Variants in HEPHL1 observed in about 807,000 individuals in gnomAD.
HEPHL1 encodes hephaestin like 1.
HEPHL1 carries 123 observed loss-of-function variants against 122.0 expected under a neutral mutation model. That is an observed-to-expected ratio of 1.01 (90% CI 0.87 to 1.17). The LOEUF (loss-of-function observed/expected upper bound fraction) is 1.17, where lower values mean the gene tolerates loss of function less well. Ranked by LOEUF, HEPHL1 falls within the 50% of genes most tolerant of loss-of-function variation. The pLI, the probability that HEPHL1 is intolerant of heterozygous loss-of-function variation, is 0.00. For synonymous variants in HEPHL1, 527 were observed against 508.9 expected, an observed-to-expected ratio of 1.04 and a Z score of -0.48; for missense variants, 1,452 against 1,430.5, an observed-to-expected ratio of 1.01 and a Z score of -0.24.
At chr11:94,031,837 T>A (rs1388653976) in intron 1 of HEPHL1, among the ~76,000 whole-genome samples, 1 of 152,232 alleles carries the variant, frequency 6.6e-6, no homozygotes, top group Admixed American at 6.5e-5. Context: ...TCAGATGCTC[T>A]GGGCAGATAA....
At chr11:94,043,553 G>A (rs183605525) in intron 1 of HEPHL1, among the ~76,000 whole-genome samples, 6 of 152,156 alleles carry the variant, frequency 3.9e-5, no homozygotes, top group African/African-American at 1.4e-4. Flanking sequence ...CTCCATTAGT[G>A]GGGCTGGGGG....
At chr11:94,060,606 A>G (rs1001226471) in intron 2 of HEPHL1, among the ~76,000 whole-genome samples, 5 of 152,144 alleles carry the variant, frequency 3.3e-5, no homozygotes, top group African/African-American at 1.2e-4. Flanking sequence ...CTAACAAGTG[A>G]TGGAGGTAAG....
At chr11:94,065,265 G>T (rs952405488) in intron 4 of HEPHL1, among the ~76,000 whole-genome samples, 1 of 152,108 alleles carries the variant, frequency 6.6e-6, no homozygotes, top group Non-Finnish European at 1.5e-5. Context: ...TCTCAGAATT[G>T]TTCTAACCAA....
chr11:94,099,595 T>C (rs1445359322), intron 13 of HEPHL1, among the ~76,000 whole-genome samples: 1 of 152,236 alleles, frequency 6.6e-6, no homozygotes, highest in Non-Finnish European at 1.5e-5. Context: ...TGTTCGGCTA[T>C]GCCTTGCCCC....
chr11:94,066,627 A>G, intron 4 of HEPHL1, among the ~76,000 whole-genome samples: 1 of 152,336 alleles, frequency 6.6e-6, no homozygotes, highest in East Asian at 1.9e-4. Context: ...AATTAAAAAA[A>G]TCTAGACTAT....
intron 3 of HEPHL1, among the ~76,000 whole-genome samples, chr11:94,063,983 A>T (rs909296980): frequency 1.1e-4 from 17 of 152,356 alleles, no homozygotes; most frequent in African/African-American, 4.1e-4. Context: ...TGAGAAATTT[A>T]GTCAAATGAC....
intron 8 of HEPHL1, among the ~76,000 whole-genome samples, chr11:94,074,730 G>A (rs1015578174): frequency 3.3e-5 from 5 of 152,106 alleles, no homozygotes; most frequent in South Asian, 2.1e-4. Context: ...CCTCTATCTT[G>A]TAGTTATTTG....
chr11:94,097,624 GTC>G, intron 13 of HEPHL1, among the ~76,000 whole-genome samples: 1 of 152,108 alleles, frequency 6.6e-6, no homozygotes, highest in Non-Finnish European at 1.5e-5. Context: ...GGGTGTTAAA[GTC>G]TCCCATTATT....
At position 94,094,010 on chromosome 11, in the gene HEPHL1, AT is replaced by A. The variant is rs1565360556; in HGVS notation, c.2434+371del. ...TATATATATATATATATATATATAT[AT>A]ATAAAACTTTAAGTTCTAGGGTACA... On this transcript the variant is annotated intron_variant, in intron 13 of 19. Transcript: ENST00000315765. 5.1e-3 allele frequency among the ~76,000 whole-genome samples: 634 copies of A among 123,480 alleles called. 13 individuals are homozygous for A. Among genetic ancestry groups the A allele is most frequent in the South Asian group, 0.022 (82 of 3,704 alleles). The allele number at this position is 123,480 out of a possible 152,430, so 81.0% of individuals were successfully genotyped here.
intron 1 of HEPHL1, among the ~76,000 whole-genome samples, chr11:94,029,436 G>T (rs1361981751): frequency 6.6e-6 from 1 of 152,170 alleles, no homozygotes; most frequent in Admixed American, 6.5e-5. Context: ...CAGAATCACT[G>T]TGGTCTTCTT....
At position 94,106,142 on chromosome 11, in the gene HEPHL1, G is replaced by T; in HGVS notation, c.3045+12G>T. The T allele has an allele frequency of 6.5e-7, 1 of 1,528,806 alleles. No homozygotes were observed. Among genetic ancestry groups the T allele is most frequent in the Non-Finnish European group, 8.9e-7 (1 of 1,129,740 alleles). 94.7% of individuals were successfully genotyped at this position (1,528,806 alleles called of 1,614,324 possible). ...GCTTTCTTTTCAAAGTAAGTATAAG[G>T]AAAGTGCTTTGGGAAAGACGTTTTT... On this transcript the variant is annotated intron_variant, in intron 17 of 19. Transcript: ENST00000315765.
intron 1 of HEPHL1, among the ~76,000 whole-genome samples, chr11:94,032,546 A>G (rs1945684631): frequency 6.6e-6 from 1 of 152,198 alleles, no homozygotes; most frequent in Admixed American, 6.5e-5. Flanking sequence ...CCCATTTGTT[A>G]GCAGGTCCCA....
intron 2 of HEPHL1, among the ~76,000 whole-genome samples, chr11:94,058,510 G>A (rs1429129007): frequency 1.3e-5 from 2 of 152,058 alleles, no homozygotes; most frequent in Non-Finnish European, 2.9e-5. Context: ...TATCATCCAG[G>A]GGAGGGGTAG....
At chr11:94,032,791 CA>C (rs1353845078) in intron 1 of HEPHL1, among the ~76,000 whole-genome samples, 1 of 152,168 alleles carries the variant, frequency 6.6e-6, no homozygotes, top group Non-Finnish European at 1.5e-5. Context: ...TGGTGATCAG[CA>C]GCTTCCTGAT....
At chr11:94,043,817 A>G (rs1945809062) in intron 1 of HEPHL1, among the ~76,000 whole-genome samples, 1 of 151,996 alleles carries the variant, frequency 6.6e-6, no homozygotes, top group African/African-American at 2.4e-5. Flanking sequence ...GCCCCAGAAC[A>G]TAATGTGTGT....
At chr11:94,087,978 G>T (rs902616673) in intron 11 of HEPHL1, among the ~76,000 whole-genome samples, 2 of 152,204 alleles carry the variant, frequency 1.3e-5, no homozygotes, top group Non-Finnish European at 1.5e-5. Context: ...AGAAAGGGGA[G>T]AAAGATTTAT....
chr11:94,056,093 T>G (rs902722044), intron 2 of HEPHL1: 4 of 310,916 alleles, frequency 1.3e-5, no homozygotes, highest in Non-Finnish European at 2.4e-5. Flanking sequence ...TATAATGTTA[T>G]ATTTTCCTGA....
chr11:94,111,188 A>G lies in HEPHL1; in HGVS notation c.3208+123A>G. ...AAGCTCAGAGTCAAGTAAGAGAGAC[A>G]TATATGTAAATATGTAACTATAATC... On this transcript the variant is annotated intron_variant, in intron 18 of 19. Coordinates refer to ENST00000315765, the MANE Select transcript of HEPHL1 (RefSeq NM_001098672.2). The G allele has an allele frequency of 5.5e-6, 4 of 728,510 alleles. No individual in the cohort carries two copies. The East Asian group carries it at 1.1e-4, about 20-fold the overall frequency. 45.1% of individuals were successfully genotyped at this position (728,510 alleles called of 1,614,324 possible).
rs369174069 is a variant in HEPHL1, at chr11:94,082,528, C to A, written c.1827C>A (p.Asp609Glu). 41 of 1,612,808 alleles carry A rather than the reference C, an allele frequency of 2.5e-5. No individual in the cohort carries two copies. In the Middle Eastern group the frequency reaches 4.9e-4, roughly 19 times the overall value. Residue 609 changes from aspartate (D) to glutamate (E), a missense_variant, in exon 10 of 20, where the codon GAC becomes GAA. Physicochemically the swap from Asp to Glu is conservative, Grantham distance 45. Transcript: ENST00000315765. ...QKFIWHPFSI[D>E]KEDKEFVKSN... Reference sequence around the variant, plus strand: ...TTATCTGGCATCCCTTCAGCATTGACAAAGAAGATAAAGAGTTTGTGAAAT... The same window carrying A: ...TTATCTGGCATCCCTTCAGCATTGAAAAAGAAGATAAAGAGTTTGTGAAAT...
Sources: allele counts gnomAD v4.1 joint callset (sites outside exome capture counted in the v4.1 genomes callset), GRCh38; gene constraint gnomAD v4.1.1; transcripts MANE v1.5; gene names NCBI Gene and HGNC (gene_info 2026-07-23, HGNC 2026-07-21).